Variants in MMP26 observed in about 807,000 individuals in gnomAD.
MMP26 encodes the protein matrix metallopeptidase 26, also known as matrix metalloproteinase-26.
Under a neutral mutation model 31.0 loss-of-function variants are expected in MMP26, and 33 were observed. That is an observed-to-expected ratio of 1.06 (90% CI 0.81 to 1.42). The LOEUF is 1.42. Among genes scored for constraint, MMP26 ranks in the 40% most tolerant of loss-of-function variants. The pLI is 0.00. For missense variants in MMP26, 347 were observed against 316.1 expected (o/e 1.10, Z -0.74); for synonymous variants, 122 against 114.9 (o/e 1.06, Z -0.40).
At chr11:4,848,492 C>A in intron 2 of MMP26, 1 of 1,613,610 alleles carries the variant, frequency 6.2e-7, no homozygotes, top group South Asian at 1.1e-5. Context: ...TCCAGCGATC[C>A]TCTCTGGACT....
intron 1 of MMP26, among the ~76,000 whole-genome samples, chr11:4,746,026 G>C (rs982814080): frequency 6.6e-6 from 1 of 152,128 alleles, no homozygotes; most frequent in Admixed American, 6.5e-5. Flanking sequence ...TTATGTGTTT[G>C]GCCTTGTACT....
In MMP26 at chr11:4,769,025, G is replaced by T. The variant is rs780324978; in HGVS notation, c.-145+1684G>T. On this transcript the variant is annotated intron_variant, in intron 2 of 7. Transcript: ENST00000380390. ...GAGCATAGCCTTGCGGATTTGTTTTGTTTTTACACTGTCGATGATGGGGTT... is the reference window on the plus strand; with the variant it reads ...GAGCATAGCCTTGCGGATTTGTTTTTTTTTTACACTGTCGATGATGGGGTT... 25 of 1,526,776 alleles carry T rather than the reference G, an allele frequency of 1.6e-5. No individual in the cohort carries two copies. The highest frequency in any genetic ancestry group is 1.9e-5 in the Non-Finnish European group (22 of 1,138,252). The allele number at this position is 1,526,776 out of a possible 1,614,324, so 94.6% of individuals were successfully genotyped here. A position where few individuals can be genotyped will look rare whatever the true frequency, so the allele number is the denominator to read the frequency against.
intron 2 of MMP26, chr11:4,821,400 C>T: frequency 4.3e-6 from 7 of 1,613,114 alleles, no homozygotes; most frequent in Non-Finnish European, 5.9e-6. Flanking sequence ...CTGAAACATC[C>T]CTGTCTTCTC....
chr11:4,750,596 AG>A (rs1276098576), intron 1 of MMP26, among the ~76,000 whole-genome samples: 1 of 152,118 alleles, frequency 6.6e-6, no homozygotes, highest in Non-Finnish European at 1.5e-5. Context: ...GTCATAAAAA[AG>A]AATGAAGTGA....
At position 4,735,105 on chromosome 11, in the gene MMP26, C is replaced by G. The variant is rs1040146226; in HGVS notation, c.-217+30060C>G. 3.3e-5 allele frequency among the ~76,000 whole-genome samples: 5 copies of G among 152,148 alleles called. No individual in the cohort carries two copies. In the East Asian group the frequency reaches 9.6e-4, roughly 29 times the overall value. ...GGGAAGAAGGAGAAAGCCCTGTGTT[C>G]TTGGCTACGCCTACTTGGAGTGGAG... On this transcript the variant is annotated intron_variant, in intron 1 of 7. Transcript: ENST00000380390.
intron 2 of MMP26, among the ~76,000 whole-genome samples, chr11:4,927,698 G>A (rs1851291582): frequency 6.6e-6 from 1 of 152,076 alleles, no homozygotes; most frequent in African/African-American, 2.4e-5. Flanking sequence ...CAGGTTTGAT[G>A]GTAGCTCAGC....
chr11:4,821,742 C>G (rs771639001), intron 2 of MMP26: 4 of 1,613,940 alleles, frequency 2.5e-6, no homozygotes, highest in Non-Finnish European at 3.4e-6. Flanking sequence ...TCTTTCTACA[C>G]GGATTTACTT....
intron 2 of MMP26, chr11:4,924,366 C>T: frequency 6.4e-7 from 1 of 1,557,880 alleles, no homozygotes; most frequent in Non-Finnish European, 8.6e-7. Flanking sequence ...ACTCAGAAAC[C>T]TGGAATATAG....
rs143477784 is a variant in MMP26, at chr11:4,706,742, T to G, written c.-217+1697T>G. 3.7e-3 allele frequency among the ~76,000 whole-genome samples: 562 copies of G among 152,308 alleles called. 2 individuals carry two copies. Among genetic ancestry groups the G allele is most frequent in the Non-Finnish European group, 4.4e-3 (299 of 68,024 alleles). ...TAATTCTTCTTTAGTAACTGAAACT[T>G]TATACCTGTTTAACAGCATCTCCCC... On this transcript the variant is annotated intron_variant, in intron 1 of 7. Transcript: ENST00000380390.
At chr11:4,981,542 C>T (rs1390970860) in intron 2 of MMP26, among the ~76,000 whole-genome samples, 1 of 152,062 alleles carries the variant, frequency 6.6e-6, no homozygotes, top group African/African-American at 2.4e-5. Flanking sequence ...ATAAAAGGAG[C>T]ATGTGGGCCT....
Position 4,915,362 on chromosome 11 carries a change from G to A in MMP26, c.-144-72706G>A, listed in dbSNP as rs779365615. The A allele has an allele frequency of 8.7e-6, 14 of 1,613,896 alleles. No homozygotes were observed. The African/African-American group carries it at 1.3e-4, about 15-fold the overall frequency. Reference sequence around the variant, plus strand: ...AATGAAAAAGAGCTGAGCAAAGCAGGCATCATGGCTAATTTCTCGTGCTCC... The same window carrying A: ...AATGAAAAAGAGCTGAGCAAAGCAGACATCATGGCTAATTTCTCGTGCTCC... On this transcript the variant is annotated intron_variant, in intron 2 of 7. Transcript: ENST00000380390.
chr11:4,947,784 T>C (rs1846334029), intron 2 of MMP26, among the ~76,000 whole-genome samples: 1 of 125,552 alleles, frequency 8.0e-6, no homozygotes, highest in African/African-American at 2.7e-5. Flanking sequence ...TCTACAGAGA[T>C]GGTTGATACC....
intron 1 of MMP26, among the ~76,000 whole-genome samples, chr11:4,749,066 C>CCT (rs1219069142): frequency 2.1e-4 from 32 of 151,930 alleles, no homozygotes; most frequent in Admixed American, 2.1e-3. Context: ...CCAAAAGACT[C>CCT]CTAGATTTGA....
intron 2 of MMP26, among the ~76,000 whole-genome samples, chr11:4,825,841 A>G (rs1849571744): frequency 6.6e-6 from 1 of 152,186 alleles, no homozygotes; most frequent in Non-Finnish European, 1.5e-5. Context: ...AGGAGAAAGA[A>G]TAAGATGATA....
Position 4,739,196 on chromosome 11 carries a change from C to A in MMP26, c.-216-28074C>A, listed in dbSNP as rs1228662659. ...AGCCCAATATTGTTGCAATTATTGCCACCCTTTGCTTACATACAAAACTCA... is the reference window on the plus strand; with the variant it reads ...AGCCCAATATTGTTGCAATTATTGCAACCCTTTGCTTACATACAAAACTCA... On this transcript the variant is annotated intron_variant, in intron 1 of 7. Coordinates refer to ENST00000380390, the MANE Select transcript of MMP26 (RefSeq NM_021801.5). Among the ~76,000 whole-genome samples the A allele has an allele frequency of 3.9e-5, 6 of 152,232 alleles. No homozygotes were observed. The East Asian group carries it at 1.2e-3, about 29-fold the overall frequency.
intron 2 of MMP26, among the ~76,000 whole-genome samples, chr11:4,781,950 A>G (rs945468507): frequency 1.3e-5 from 2 of 152,174 alleles, no homozygotes; most frequent in African/African-American, 4.8e-5. Context: ...GCCTTCCACC[A>G]TGATTGTGAG....
At chr11:4,874,275 G>A (rs1305100161) in intron 2 of MMP26, among the ~76,000 whole-genome samples, 1 of 151,962 alleles carries the variant, frequency 6.6e-6, no homozygotes, top group Non-Finnish European at 1.5e-5. Flanking sequence ...ATGTCTAGGG[G>A]CTACCATATT....
chr11:4,882,083 T>C, intron 2 of MMP26: 1 of 1,613,958 alleles, frequency 6.2e-7, no homozygotes, highest in Non-Finnish European at 8.5e-7. Context: ...CAAACCCATG[T>C]ATTATTTCCT....
intron 2 of MMP26, chr11:4,803,394 TG>T: frequency 7.7e-7 from 1 of 1,294,712 alleles, no homozygotes; most frequent in Non-Finnish European, 1.1e-6. Context: ...CCCACATTAG[TG>T]GGGCAATGTA....
Sources: gnomAD v4.1 joint callset for allele counts (sites outside exome capture counted in the v4.1 genomes callset) on GRCh38, gnomAD v4.1.1 for gene constraint, MANE v1.5 for transcripts, NCBI Gene and HGNC (gene_info 2026-07-23, HGNC 2026-07-21) for gene names.